SYT7: variants seen among roughly 807,000 people sequenced by gnomAD.
SYT7 encodes synaptotagmin-7.
Under a neutral mutation model 75.1 loss-of-function variants are expected in SYT7, and 29 were observed. The ratio of observed to expected loss-of-function variants is 0.39; its 90% CI spans 0.29 to 0.53. SYT7 has a LOEUF of 0.53. Among genes scored for constraint, SYT7 ranks in the 20% least tolerant of loss-of-function variants. The pLI is 0.77. For missense variants in SYT7, 693 were observed against 953.2 expected, an observed-to-expected ratio of 0.73 and a Z score of 3.59; for synonymous variants, 376 against 401.7, an observed-to-expected ratio of 0.94 and a Z score of 0.76.
At chr11:61,569,976 C>T (rs1411975119) in intron 1 of SYT7, among the ~76,000 whole-genome samples, 1 of 152,258 alleles carries the variant, frequency 6.6e-6, no homozygotes, top group Non-Finnish European at 1.5e-5. Flanking sequence ...TCACCCGGGG[C>T]AGCCAGCTGA....
At chr11:61,541,660 A>G (rs1440399848) in intron 6 of SYT7, among the ~76,000 whole-genome samples, 1 of 145,650 alleles carries the variant, frequency 6.9e-6, no homozygotes, top group Non-Finnish European at 1.5e-5. Flanking sequence ...ACAGGTGGCT[A>G]TAGAAGGTCA....
intron 7 of SYT7, among the ~76,000 whole-genome samples, chr11:61,535,520 G>A (rs939962856): frequency 6.6e-6 from 1 of 152,252 alleles, no homozygotes; most frequent in Admixed American, 6.5e-5. Flanking sequence ...GCAGCAGGGC[G>A]TGGAGCCAGG....
intron 7 of SYT7, among the ~76,000 whole-genome samples, chr11:61,535,361 G>A (rs1216936829): frequency 7.9e-5 from 12 of 152,248 alleles, no homozygotes; most frequent in Admixed American, 7.8e-4. Context: ...AGCAATGGGG[G>A]TGGCCTGGTC....
intron 7 of SYT7, 60 bp from the exon 8 acceptor site, chr11:61,533,184 G>A (rs570226797): frequency 1.2e-5 from 18 of 1,498,214 alleles, no homozygotes; most frequent in South Asian, 2.6e-5. Context: ...TGGGCACCCC[G>A]GCCTGGGGGG....
chr11:61,584,747 G>A (rs1009689663), upstream of SYT7, among the ~76,000 whole-genome samples: 1 of 152,216 alleles, frequency 6.6e-6, no homozygotes, highest in Non-Finnish European at 1.5e-5. Context: ...AGTAAATGGA[G>A]CCTGCAGGAG....
chr11:61,543,837 G>A (rs1416708327), intron 5 of SYT7, among the ~76,000 whole-genome samples: 4 of 152,204 alleles, frequency 2.6e-5, no homozygotes, highest in Non-Finnish European at 2.9e-5. Context: ...GCACCAGAGC[G>A]GAGCCAGAGA....
Position 61,524,623 on chromosome 11 carries a change from G to A in SYT7, c.1472-91C>T, listed in dbSNP as rs773249681. 14 of 1,322,880 alleles carry A rather than the reference G, an allele frequency of 1.1e-5. No individual in the cohort carries two copies. The highest frequency in any genetic ancestry group is 1.4e-5 in the Non-Finnish European group (14 of 973,376). The allele number at this position is 1,322,880 out of a possible 1,614,324, so 81.9% of individuals were successfully genotyped here. A position where few individuals can be genotyped will look rare whatever the true frequency, so the allele number is the denominator to read the frequency against. Reference sequence around the variant, plus strand: ...GGAAGGCCCTGGGAAGAGGAGGCAGGCCCTGTGCCCTCCCGCTGCCACCCC... The same window carrying A: ...GGAAGGCCCTGGGAAGAGGAGGCAGACCCTGTGCCCTCCCGCTGCCACCCC... On this transcript the variant is annotated intron_variant, in intron 9 of 12. Transcript: ENST00000539008. The surrounding 1 kb of genome is among the most constrained non-coding windows in gnomAD (Gnocchi z 4.1).
At chr11:61,549,581 G>A (rs577779791) in intron 3 of SYT7, among the ~76,000 whole-genome samples, 1 of 152,334 alleles carries the variant, frequency 6.6e-6, no homozygotes, top group East Asian at 1.9e-4. Context: ...GCAGGAAGGA[G>A]GCTCCGCCAC....
intron 1 of SYT7, among the ~76,000 whole-genome samples, chr11:61,565,257 G>A (rs2063738614): frequency 6.6e-6 from 1 of 152,190 alleles, no homozygotes; most frequent in African/African-American, 2.4e-5. Flanking sequence ...GATGGAAATG[G>A]GGGAAGATGG....
intron 6 of SYT7, 80 bp from the exon 7 acceptor site, chr11:61,538,346 G>GGAGAGAGAGAGAGAGAGAGAGAGAGA (rs58071370): frequency 9.3e-4 from 190 of 203,238 alleles, no homozygotes; most frequent in African/African-American, 2.4e-3. Flanking sequence ...GGAGAGAGAG[G>GGAGAGAGAGAGAGAGAGAGAGAGAGA]GAGAGAGAGA....
intron 8 of SYT7, among the ~76,000 whole-genome samples, chr11:61,529,720 C>T (rs531423221): frequency 7.9e-5 from 12 of 152,320 alleles, no homozygotes; most frequent in African/African-American, 2.2e-4. Flanking sequence ...CTGCCACCTC[C>T]ACCTCCCAAG....
chr11:61,517,265 A>G lies in SYT7; in HGVS notation c.*1362T>C. 1 of 398,696 alleles carries G rather than the reference A, an allele frequency of 2.5e-6. No individual in the cohort carries two copies. The highest frequency in any genetic ancestry group is 4.4e-6 in the Non-Finnish European group (1 of 226,094). The allele number at this position is 398,696 out of a possible 1,614,324, so 24.7% of individuals were successfully genotyped here. On this transcript the variant is annotated 3_prime_UTR_variant, in exon 13 of 13. Coordinates refer to ENST00000539008, the MANE Select transcript of SYT7 (RefSeq NM_001365809.2). ...AATCTGCCGTCTCCAAGGGGAAGCC[A>G]GTTTTAGTCTCATCAGTGGCCGAGG... is the stretch of plus-strand genomic sequence containing the variant.
chr11:61,518,791 C>T, intron 12 of SYT7, 60 bp from the exon 13 acceptor site: 1 of 1,285,416 alleles, frequency 7.8e-7, no homozygotes, highest in Non-Finnish European at 1.1e-6. Flanking sequence ...GCCCTTTCCC[C>T]CACAGGGGTG....
chr11:61,573,253 G>A (rs949323050), intron 1 of SYT7, among the ~76,000 whole-genome samples: 1 of 152,196 alleles, frequency 6.6e-6, no homozygotes, highest in Non-Finnish European at 1.5e-5. Flanking sequence ...ACAGGGCCCT[G>A]GGCCTGCCCA....
rs1590972927 is a variant in SYT7, at chr11:61,580,795, C to A, written c.26G>T (p.Ser9Ile). MYRDPEAASPGAPSRDVLL... is the reference protein window; with the variant it reads MYRDPEAAIPGAPSRDVLL... ...CCCGCCGGGGCCGCGCTTACCTGGG[C>A]TGGCCGCCTCCGGGTCCCGGTACAT... The change falls in exon 1 of 13, where the codon AGC (serine) becomes ATC (isoleucine). Residue 9 changes from serine (S) to isoleucine (I), a missense_variant. By Grantham distance (142) the Ser-to-Ile change is moderately radical. This residue lies in a region of SYT7 where 487 missense variants were observed against 593.2 expected (regional missense o/e 0.82). Coordinates refer to ENST00000539008, the MANE Select transcript of SYT7 (RefSeq NM_001365809.2). The surrounding 1 kb of genome is among the most constrained non-coding windows in gnomAD (Gnocchi z 6.1). 1 of 1,290,486 alleles carries A rather than the reference C, an allele frequency of 7.7e-7. No homozygotes were observed. Among genetic ancestry groups the A allele is most frequent in the East Asian group, 3.3e-5 (1 of 30,166 alleles). The allele number at this position is 1,290,486 out of a possible 1,614,324, so 79.9% of individuals were successfully genotyped here.
rs1358975296 is a variant in SYT7 at position 61,538,238 on chromosome 11, C to G, written c.970G>C (p.Val324Leu). 3.9e-6 allele frequency: 6 copies of G among 1,535,902 alleles called. 1 individual carries two copies. In the South Asian group the frequency reaches 7.1e-5, roughly 18 times the overall value. ...TCATCCTGTTCCGAAAGCCCTAAGA[C>G]CAAGGATAGCACCACCATCCGGCCT... is the stretch of plus-strand genomic sequence containing the variant. ...LEGRMVVLSLVLGLSEQDDFA... is the reference protein window; with the variant it reads ...LEGRMVVLSLLLGLSEQDDFA... The change falls in exon 7 of 13, where the codon GTC becomes CTC. Residue 324 changes from valine to leucine, a missense_variant. Physicochemically the swap from Val to Leu is conservative, Grantham distance 32. Around this residue, in one of 2 missense-constraint regions of SYT7, gnomAD observed 487 missense variants for 593.2 expected, o/e 0.82. Coordinates refer to ENST00000539008, the MANE Select transcript of SYT7 (RefSeq NM_001365809.2).
intron 2 of SYT7, 48 bp downstream of exon 2, chr11:61,556,056 G>A: frequency 6.7e-7 from 1 of 1,492,946 alleles, no homozygotes; most frequent in Non-Finnish European, 9.3e-7. Flanking sequence ...AGGGGGGGCA[G>A]TGTGCAGGGC....
chr11:61,544,646 G>T (rs1188544533), intron 5 of SYT7, among the ~76,000 whole-genome samples: 1 of 152,148 alleles, frequency 6.6e-6, no homozygotes, highest in Non-Finnish European at 1.5e-5. Flanking sequence ...TCCAAAATTA[G>T]TCCAATTTAC....
At position 61,523,016 on chromosome 11, in the gene SYT7, T is replaced by G; in HGVS notation, c.1956+59A>C. On this transcript the variant is annotated intron_variant, in intron 12 of 12. Transcript: ENST00000539008. This position sits in a 1 kb window ranked among gnomAD's most constrained non-coding sequence, Gnocchi z 5.0. Reference sequence around the variant, plus strand: ...CGTCCACTACCCCCGCTGCTTCTTTTAAGGAACGGAGCCTCACTGGTGCCA... The same window carrying G: ...CGTCCACTACCCCCGCTGCTTCTTTGAAGGAACGGAGCCTCACTGGTGCCA... The G allele has an allele frequency of 1.9e-6, 3 of 1,585,570 alleles. No individual in the cohort carries two copies. In the South Asian group the frequency reaches 3.3e-5, roughly 18 times the overall value.
Sources: gnomAD v4.1 joint callset for allele counts (sites outside exome capture counted in the v4.1 genomes callset) on GRCh38, gnomAD v4.1.1 for gene constraint, gnomAD v4.1.1 regional missense constraint, Gnocchi (gnomAD v3.1) non-coding constraint, MANE v1.5 for transcripts, NCBI Gene and HGNC (gene_info 2026-07-23, HGNC 2026-07-21) for gene names.